The following TRPM3 variants were observed in gnomAD, a reference collection of about 807,000 sequenced individuals.
TRPM3 encodes the protein transient receptor potential cation channel subfamily M member 3.
In TRPM3, 77 loss-of-function variants were observed where a neutral mutation model predicts 181.2. That is an observed-to-expected ratio of 0.42 (90% CI 0.35 to 0.51). TRPM3 has a LOEUF of 0.51. TRPM3 is among the 20% of genes least tolerant of loss of function. The pLI is 0.01. For missense variants in TRPM3, 1,759 were observed against 2,196.7 expected (o/e 0.80, Z 3.98); for synonymous variants, 745 against 796.4 (o/e 0.94, Z 1.09).
chr9:70,619,195 G>A, intron 16 of TRPM3, 100 bp from the exon 17 acceptor site: 3 of 925,826 alleles, frequency 3.2e-6, no homozygotes, highest in South Asian at 3.0e-5. Context: ...GTCACTGGAT[G>A]ATGTAGGTGT....
At chr9:71,146,640 C>T (rs2075422638) in intron 1 of TRPM3, among the ~76,000 whole-genome samples, 1 of 152,074 alleles carries the variant, frequency 6.6e-6, no homozygotes, top group African/African-American at 2.4e-5. Flanking sequence ...GGAAATACAA[C>T]CATTCTGTCA....
chr9:70,898,290 T>G (rs1039095196), intron 1 of TRPM3, among the ~76,000 whole-genome samples: 1 of 151,034 alleles, frequency 6.6e-6, no homozygotes, highest in African/African-American at 2.4e-5. Flanking sequence ...GCCCGGCTAA[T>G]TTTTTGTATT....
intron 1 of TRPM3, among the ~76,000 whole-genome samples, chr9:71,387,041 T>A (rs754503503): frequency 5.3e-5 from 8 of 152,222 alleles, no homozygotes; most frequent in Non-Finnish European, 8.8e-5. Flanking sequence ...ATTAGATAGT[T>A]ATCTAACATA....
At chr9:70,738,395 T>A (rs1357927541) in intron 8 of TRPM3, among the ~76,000 whole-genome samples, 1 of 152,008 alleles carries the variant, frequency 6.6e-6, no homozygotes, top group Middle Eastern at 3.4e-3. Flanking sequence ...ACTTAAAGTA[T>A]AATAATAAAA....
At chr9:70,901,960 C>T (rs1234964826) in intron 1 of TRPM3, among the ~76,000 whole-genome samples, 5 of 151,898 alleles carry the variant, frequency 3.3e-5, no homozygotes, top group Non-Finnish European at 4.4e-5. Flanking sequence ...TGCTTGTTGC[C>T]GCAATTAGGA....
At chr9:71,017,373 A>T (rs529625173) in intron 1 of TRPM3, among the ~76,000 whole-genome samples, 1 of 152,014 alleles carries the variant, frequency 6.6e-6, no homozygotes, top group African/African-American at 2.4e-5. Flanking sequence ...AATGGACAAA[A>T]ATTAAAAGAC....
intron 1 of TRPM3, among the ~76,000 whole-genome samples, chr9:71,290,758 C>G (rs2085739323): frequency 6.6e-6 from 1 of 152,062 alleles, no homozygotes; most frequent in Admixed American, 6.6e-5. Context: ...TCAAATCATC[C>G]TAAAACCCTT....
chr9:70,635,451 C>CT (rs1305631837), intron 11 of TRPM3, among the ~76,000 whole-genome samples, 190 bp from the exon 12 acceptor site: 4 of 136,816 alleles, frequency 2.9e-5, no homozygotes, highest in African/African-American at 1.1e-4. Flanking sequence ...AGATGAAAAG[C>CT]TTTGTCAGTG....
chr9:70,638,628 T>C (rs1018181125), intron 11 of TRPM3, among the ~76,000 whole-genome samples: 1 of 152,172 alleles, frequency 6.6e-6, no homozygotes, highest in Non-Finnish European at 1.5e-5. Context: ...TTCCACTTTA[T>C]AGCTGAACTA....
intron 1 of TRPM3, among the ~76,000 whole-genome samples, chr9:71,364,686 A>G (rs2092275994): frequency 6.6e-6 from 1 of 152,204 alleles, no homozygotes; most frequent in Non-Finnish European, 1.5e-5. Flanking sequence ...ACAAGACAAT[A>G]AAAGAGTATT....
chr9:70,904,137 A>G (rs2096428537), intron 1 of TRPM3, among the ~76,000 whole-genome samples: 1 of 152,038 alleles, frequency 6.6e-6, no homozygotes, highest in African/African-American at 2.4e-5. Flanking sequence ...TGAGAGGATC[A>G]CCTGAGTCCC....
At chr9:70,972,665 G>A (rs1164272294) in intron 1 of TRPM3, among the ~76,000 whole-genome samples, 1 of 152,072 alleles carries the variant, frequency 6.6e-6, no homozygotes, top group Non-Finnish European at 1.5e-5. Context: ...AAAAAAAGGA[G>A]TAACAGTGCT....
chr9:70,754,967 A>G (rs2076796354), intron 8 of TRPM3, among the ~76,000 whole-genome samples: 1 of 152,068 alleles, frequency 6.6e-6, no homozygotes, highest in African/African-American at 2.4e-5. Flanking sequence ...AGAGGAGAAA[A>G]CAATGCCTAC....
chr9:70,783,799 A>C (rs537162672), intron 7 of TRPM3: 4 of 978,742 alleles, frequency 4.1e-6, no homozygotes, highest in South Asian at 4.3e-5. Flanking sequence ...GCTTCTCCTT[A>C]CTGGGAGGAG....
chr9:70,982,327 T>C (rs1322127965), intron 1 of TRPM3, among the ~76,000 whole-genome samples: 1 of 152,220 alleles, frequency 6.6e-6, no homozygotes, highest in African/African-American at 2.4e-5. Flanking sequence ...TAGTGACTAT[T>C]TGAAACATCG....
chr9:70,570,057 C>T (rs75565344), intron 22 of TRPM3, among the ~76,000 whole-genome samples: 3,456 of 151,910 alleles, frequency 0.023, 119 homozygotes, highest in African/African-American at 0.077. Context: ...TTTGTGTGCA[C>T]GTGTACATAA....
intron 1 of TRPM3, among the ~76,000 whole-genome samples, chr9:71,195,535 G>A (rs1033994653): frequency 1.1e-4 from 16 of 152,060 alleles, no homozygotes; most frequent in Admixed American, 7.2e-4. Flanking sequence ...CAATCATTGT[G>A]GAATGTAGAG....
At chr9:70,615,134 AT>A (rs1340128112) in intron 18 of TRPM3, among the ~76,000 whole-genome samples, 2 of 152,164 alleles carry the variant, frequency 1.3e-5, no homozygotes, top group East Asian at 3.9e-4. Context: ...TTAATTTGTG[AT>A]TTCACCCCTT....
At chr9:70,787,763 C>CTTTTTTTTTTTTTTTTTTTTTTTATT in intron 6 of TRPM3, among the ~76,000 whole-genome samples, 3 of 68,558 alleles carry the variant, frequency 4.4e-5, no homozygotes, top group African/African-American at 5.8e-5. Context: ...TTTTTGGATT[C>CTTTTTTTTTTTTTTTTTTTTTTTATT]TTTTTTTTTT....
Sources: allele counts gnomAD v4.1 joint callset (sites outside exome capture counted in the v4.1 genomes callset), GRCh38; gene constraint gnomAD v4.1.1; transcripts MANE v1.5; gene names NCBI Gene and HGNC (gene_info 2026-07-23, HGNC 2026-07-21).